PDE4D: variants seen among roughly 807,000 people sequenced by gnomAD.
The protein encoded by PDE4D is 3',5'-cyclic-AMP phosphodiesterase 4D.
A neutral mutation model predicts 87.4 loss-of-function variants in PDE4D; 24 were observed. The ratio of observed to expected loss-of-function variants is 0.27; its 90% CI spans 0.20 to 0.39. The LOEUF (loss-of-function observed/expected upper bound fraction) is 0.39, where lower values mean the gene tolerates loss of function less well. Among genes scored for constraint, PDE4D ranks in the 10% least tolerant of loss-of-function variants. The pLI, the probability that PDE4D is intolerant of heterozygous loss-of-function variation, is 1.00. For missense variants in PDE4D, 714 were observed against 1,041.0 expected (o/e 0.69, Z 4.32); for synonymous variants, 384 against 383.2 (o/e 1.00, Z -0.02).
At chr5:60,337,309 G>C (rs1050066061) in intron 1 of PDE4D, among the ~76,000 whole-genome samples, 11 of 140,040 alleles carry the variant, frequency 7.9e-5, no homozygotes, top group Non-Finnish European at 1.5e-4. Context: ...CTCAAGCCTG[G>C]GCAACAGAGA....
At chr5:60,314,698 C>T (rs1407413848) in intron 1 of PDE4D, among the ~76,000 whole-genome samples, 1 of 151,746 alleles carries the variant, frequency 6.6e-6, no homozygotes, top group Non-Finnish European at 1.5e-5. Flanking sequence ...CATGTGTTCT[C>T]ATTGTTCAGT....
intron 5 of PDE4D, among the ~76,000 whole-genome samples, chr5:59,094,176 C>T (rs1447858439): frequency 1.5e-5 from 2 of 134,678 alleles, no homozygotes; most frequent in Non-Finnish European, 3.0e-5. Context: ...CAAGATTATG[C>T]CACTGCACTC....
At chr5:59,197,319 A>T (rs941288774) in intron 2 of PDE4D, among the ~76,000 whole-genome samples, 1 of 152,166 alleles carries the variant, frequency 6.6e-6, no homozygotes, top group Admixed American at 6.5e-5. Flanking sequence ...AAGCATAAAG[A>T]CAGTTATCAT....
chr5:59,393,913 A>G (rs530272998), intron 1 of PDE4D, among the ~76,000 whole-genome samples: 44 of 152,260 alleles, frequency 2.9e-4, no homozygotes, highest in African/African-American at 9.6e-4. Context: ...TAAATGTGAT[A>G]AAAGTTTTCT....
chr5:60,194,929 T>A (rs1741025102), intron 1 of PDE4D, among the ~76,000 whole-genome samples: 1 of 151,232 alleles, frequency 6.6e-6, no homozygotes, highest in South Asian at 2.1e-4. Flanking sequence ...TAAGTAGGAG[T>A]CCCCCTGTCT....
At chr5:59,799,627 C>T (rs537607068) in intron 1 of PDE4D, among the ~76,000 whole-genome samples, 105 of 152,268 alleles carry the variant, frequency 6.9e-4, no homozygotes, top group African/African-American at 2.5e-3. Context: ...AGTAAACCAT[C>T]GGACCATATC....
chr5:59,515,566 C>T (rs1039434949), intron 1 of PDE4D, among the ~76,000 whole-genome samples: 7 of 152,082 alleles, frequency 4.6e-5, no homozygotes, highest in Non-Finnish European at 8.8e-5. Context: ...TCAGAAGAAA[C>T]ATCATTAAAA....
intron 5 of PDE4D, among the ~76,000 whole-genome samples, chr5:59,088,288 T>C (rs538931401): frequency 1.3e-5 from 2 of 152,120 alleles, no homozygotes; most frequent in Non-Finnish European, 2.9e-5. Context: ...AATTATCTAG[T>C]TGTGTAGGTA....
At position 60,234,451 on chromosome 5, in the gene PDE4D, A is replaced by G. The variant is rs546429494; in HGVS notation, c.-89-48764T>C. On this transcript the variant is annotated intron_variant, in intron 1 of 16. Transcript: ENST00000502484. Reference sequence around the variant, plus strand: ...TAGATATATGGTATTTCTCTTGGATATATACTAGGGAGTACAAAAACTGCT... The same window carrying G: ...TAGATATATGGTATTTCTCTTGGATGTATACTAGGGAGTACAAAAACTGCT... Among the ~76,000 whole-genome samples the G allele has an allele frequency of 3.3e-5, 5 of 151,908 alleles. No individual in the cohort carries two copies. In the South Asian group the frequency reaches 1.0e-3, roughly 31 times the overall value.
chr5:59,236,748 G>C (rs1301157146), intron 1 of PDE4D, among the ~76,000 whole-genome samples: 1 of 151,918 alleles, frequency 6.6e-6, no homozygotes. Context: ...CTGCTGTTGG[G>C]ATTTTGTGTG....
At chr5:59,698,401 A>AT (rs1405326467) in intron 1 of PDE4D, among the ~76,000 whole-genome samples, 1 of 152,004 alleles carries the variant, frequency 6.6e-6, no homozygotes, top group Admixed American at 6.6e-5. Context: ...GAAGTTGACT[A>AT]TGTTGTGGTT....
At chr5:60,091,923 T>C (rs851281) in intron 2 of PDE4D, among the ~76,000 whole-genome samples, 74,824 of 149,266 alleles carry the variant, frequency 0.5, 19,117 homozygotes, top group East Asian at 0.82. Flanking sequence ...TGGTGGCGCG[T>C]GCCTGTAGTC....
intron 3 of PDE4D, among the ~76,000 whole-genome samples, chr5:59,948,345 T>A (rs1400392958): frequency 6.6e-6 from 1 of 152,198 alleles, no homozygotes; most frequent in Admixed American, 6.5e-5. Flanking sequence ...CATATATAAG[T>A]TCTGTATATG....
chr5:60,442,796 A>G (rs114601542), intron 1 of PDE4D, among the ~76,000 whole-genome samples: 4,143 of 152,234 alleles, frequency 0.027, 87 homozygotes, highest in Middle Eastern at 0.078. Context: ...TCATTAATGT[A>G]AATATTTCAA....
At chr5:60,028,492 T>G (rs1766884787) in intron 2 of PDE4D, among the ~76,000 whole-genome samples, 1 of 152,200 alleles carries the variant, frequency 6.6e-6, no homozygotes, top group East Asian at 1.9e-4. Flanking sequence ...TTCCTCAGTA[T>G]AATTTTTCCT....
chr5:59,874,215 T>C (rs73761026), intron 1 of PDE4D, among the ~76,000 whole-genome samples: 1,552 of 152,224 alleles, frequency 0.01, 34 homozygotes, highest in African/African-American at 0.035. Flanking sequence ...AAGAAAAAAG[T>C]AAGATTTAGA....
rs184285203 is a variant in PDE4D, at chr5:60,034,166, A to G, written c.43-45449T>C. Among the ~76,000 whole-genome samples the G allele has an allele frequency of 7.8e-4, 119 of 152,320 alleles. 1 individual carries two copies. The highest frequency in any genetic ancestry group is 2.8e-3 in the African/African-American group (116 of 41,574). On this transcript the variant is annotated intron_variant, in intron 2 of 16. Transcript: ENST00000502484. ...GTAAAGGCAAGAAGCATGCAAGTAA[A>G]AGTCAGATTTGGGGGATGGTAAAGA...
chr5:60,299,834 C>T (rs571527559), intron 1 of PDE4D, among the ~76,000 whole-genome samples: 1 of 152,204 alleles, frequency 6.6e-6, no homozygotes, highest in South Asian at 2.1e-4. Context: ...CATGTCTTTG[C>T]TTTTGTAAAT....
chr5:60,483,099 GA>G (rs1748856794), intron 1 of PDE4D, among the ~76,000 whole-genome samples: 1 of 152,006 alleles, frequency 6.6e-6, no homozygotes, highest in African/African-American at 2.4e-5. Flanking sequence ...TATGGTAACT[GA>G]ATTAAATAAG....
Sources: allele counts gnomAD v4.1 joint callset (sites outside exome capture counted in the v4.1 genomes callset), GRCh38; gene constraint gnomAD v4.1.1; transcripts MANE v1.5; gene names NCBI Gene and HGNC (gene_info 2026-07-23, HGNC 2026-07-21).